CPPED1: variants seen among roughly 807,000 people sequenced by gnomAD.
CPPED1 encodes the protein calcineurin like phosphoesterase domain containing 1.
CPPED1 carries 28 observed loss-of-function variants against 28.0 expected under a neutral mutation model. The observed-to-expected ratio is 1.00, with a 90% CI of 0.74 to 1.37. CPPED1 has a LOEUF of 1.37. Among genes scored for constraint, CPPED1 ranks in the 40% most tolerant of loss-of-function variants. The pLI is 0.00. For synonymous variants in CPPED1, 198 were observed against 180.2 expected (o/e 1.10, Z -0.79); for missense variants, 504 against 416.5 (o/e 1.21, Z -1.83).
intron 2 of CPPED1, among the ~76,000 whole-genome samples, chr16:12,750,746 G>A (rs1168771309): frequency 6.6e-6 from 1 of 152,178 alleles, no homozygotes; most frequent in Non-Finnish European, 1.5e-5. Context: ...TGAGGTGGGC[G>A]GATCACTTGC....
At chr16:12,716,383 G>C (rs993708313) in intron 2 of CPPED1, among the ~76,000 whole-genome samples, 1 of 152,220 alleles carries the variant, frequency 6.6e-6, no homozygotes, top group Non-Finnish European at 1.5e-5. Context: ...ATCCAGGGAC[G>C]AAGAAGTTCC....
chr16:12,703,857 G>A (rs1039500195), intron 3 of CPPED1, among the ~76,000 whole-genome samples: 12 of 152,178 alleles, frequency 7.9e-5, no homozygotes, highest in African/African-American at 2.7e-4. Flanking sequence ...GAAAGATAAA[G>A]GAGGTGGGTG....
rs2080071053 is a variant in CPPED1 at position 12,709,912 on chromosome 16, GAA to G, written c.290-4865_290-4864del. ...GAAGGAAGGGAAAGACGGGGGGAAGGAAGGGAAGGAAGGGAAGGAAGGGAAGG... is the reference window on the plus strand; with the variant it reads ...GAAGGAAGGGAAAGACGGGGGGAAGGGGGAAGGAAGGGAAGGAAGGGAAGG... On this transcript the variant is annotated intron_variant, in intron 2 of 3. Coordinates refer to ENST00000381774, the MANE Select transcript of CPPED1 (RefSeq NM_018340.3). The surrounding 1 kb of genome is among the most constrained non-coding windows in gnomAD (Gnocchi z 4.4). 4.7e-5 allele frequency among the ~76,000 whole-genome samples: 1 copy of G among 21,276 alleles called. No homozygotes were observed. The highest frequency in any genetic ancestry group is 1.5e-3 in the South Asian group (1 of 660). The allele number at this position is 21,276 out of a possible 152,430, so 14.0% of individuals were successfully genotyped here.
chr16:12,747,709 C>T (rs1158555531), intron 2 of CPPED1, among the ~76,000 whole-genome samples: 1 of 152,122 alleles, frequency 6.6e-6, no homozygotes, highest in Non-Finnish European at 1.5e-5. Flanking sequence ...TGAGCCACCG[C>T]GCCCGGCCTT....
intron 2 of CPPED1, among the ~76,000 whole-genome samples, chr16:12,765,042 G>C (rs985008638): frequency 6.6e-6 from 1 of 152,152 alleles, no homozygotes; most frequent in Non-Finnish European, 1.5e-5. Flanking sequence ...GCTAGCACTG[G>C]GAACACTGTG....
At chr16:12,756,311 G>A (rs1361030256) in intron 2 of CPPED1, among the ~76,000 whole-genome samples, 1 of 152,130 alleles carries the variant, frequency 6.6e-6, no homozygotes, top group Admixed American at 6.5e-5. Flanking sequence ...GCAAAATGCT[G>A]CAAATTATGG....
chr16:12,784,078 T>C lies in CPPED1; in HGVS notation c.71-2675A>G, dbSNP rs1211369082. On this transcript the variant is annotated intron_variant, in intron 1 of 3. Coordinates refer to ENST00000381774, the MANE Select transcript of CPPED1 (RefSeq NM_018340.3). ...GCTTCTAATAAACAGAATATGATGA[T>C]GGCAGTCCCTTCCAAGAGTGGGCTA... Among the ~76,000 whole-genome samples, 9 of 152,360 alleles carry C rather than the reference T, an allele frequency of 5.9e-5. No homozygotes were observed. In the South Asian group the frequency reaches 1.0e-3, roughly 18 times the overall value.
intron 3 of CPPED1, among the ~76,000 whole-genome samples, chr16:12,685,428 T>A (rs1202110317): frequency 6.6e-6 from 1 of 152,102 alleles, no homozygotes. Context: ...CCAGCCTGGG[T>A]GACAGAGCGA....
Position 12,776,551 on chromosome 16 carries a change from C to T in CPPED1, c.289+4634G>A, listed in dbSNP as rs559060503. On this transcript the variant is annotated intron_variant, in intron 2 of 3. Coordinates refer to ENST00000381774, the MANE Select transcript of CPPED1 (RefSeq NM_018340.3). The stretch of plus-strand genomic sequence containing the variant: ...GCTGTTGTCGTGACTGTGAATAAGT[C>T]TCACGAGATCTGATGGTTTTGTAAA... 5.3e-4 allele frequency among the ~76,000 whole-genome samples: 80 copies of T among 152,254 alleles called. No homozygotes were observed. The South Asian group carries it at 9.3e-3, about 18-fold the overall frequency.
chr16:12,765,458 G>A (rs1167856162), intron 2 of CPPED1, among the ~76,000 whole-genome samples: 1 of 152,194 alleles, frequency 6.6e-6, no homozygotes, highest in Non-Finnish European at 1.5e-5. Flanking sequence ...TTAACTGTCT[G>A]ACATAATAGG....
intron 2 of CPPED1, among the ~76,000 whole-genome samples, chr16:12,729,906 G>A (rs1216762822): frequency 1.3e-5 from 2 of 152,138 alleles, no homozygotes; most frequent in African/African-American, 4.8e-5. Flanking sequence ...CTGTTGCCGA[G>A]GCTGGAGTAC....
At position 12,776,249 on chromosome 16, in the gene CPPED1, C is replaced by T. The variant is rs538063903; in HGVS notation, c.289+4936G>A. Among the ~76,000 whole-genome samples the T allele has an allele frequency of 2.6e-5, 4 of 152,272 alleles. No homozygotes were observed. The South Asian group carries it at 8.3e-4, about 32-fold the overall frequency. Reference sequence around the variant, plus strand: ...GCATGAGCCAAGAAACGCAGTTGGCCTCTAGAAGCTGGAACCCCTAGAAGG... The same window carrying T: ...GCATGAGCCAAGAAACGCAGTTGGCTTCTAGAAGCTGGAACCCCTAGAAGG... On this transcript the variant is annotated intron_variant, in intron 2 of 3. Transcript: ENST00000381774.
rs1450945586 is a variant in CPPED1, at chr16:12,664,031, T to C, written c.*855A>G. 2.6e-5 allele frequency: 4 copies of C among 152,202 alleles called. No homozygotes were observed. The highest frequency in any genetic ancestry group is 7.2e-5 in the African/African-American group (3 of 41,434). The allele number at this position is 152,202 out of a possible 1,614,324, so 9.4% of individuals were successfully genotyped here. ...GCTCTGCATACATTCCCACTTTTCC[T>C]GTCAAAGTGGACAAAATGAAGAGTC... is the stretch of plus-strand genomic sequence containing the variant. On this transcript the variant is annotated 3_prime_UTR_variant, in exon 4 of 4. Transcript: ENST00000381774. The surrounding 1 kb of genome is among the most constrained non-coding windows in gnomAD (Gnocchi z 4.2).
chr16:12,665,164 T>C (rs1364953483), intron 3 of CPPED1, 49 bp from the exon 4 acceptor site: 3 of 1,548,218 alleles, frequency 1.9e-6, no homozygotes, highest in African/African-American at 2.8e-5. Flanking sequence ...TTCCATTAGG[T>C]AACCTAGGGT....
intron 3 of CPPED1, among the ~76,000 whole-genome samples, chr16:12,694,212 C>T (rs11859747): frequency 0.015 from 2,294 of 152,150 alleles, 52 homozygotes; most frequent in African/African-American, 0.051. Flanking sequence ...TCACAAAAAA[C>T]AAAAGAACAG....
intron 3 of CPPED1, among the ~76,000 whole-genome samples, chr16:12,687,631 C>T (rs548628252): frequency 2.6e-5 from 4 of 152,186 alleles, no homozygotes; most frequent in East Asian, 1.9e-4. Flanking sequence ...ACTAGCTAGG[C>T]GTGGTGGCGA....
At chr16:12,699,880 T>C (rs945785699) in intron 3 of CPPED1, among the ~76,000 whole-genome samples, 1 of 152,184 alleles carries the variant, frequency 6.6e-6, no homozygotes, top group Non-Finnish European at 1.5e-5. Flanking sequence ...TAATGAATTT[T>C]ACAAAATATC....
chr16:12,702,073 T>G (rs531624796), intron 3 of CPPED1, among the ~76,000 whole-genome samples: 15 of 152,284 alleles, frequency 9.9e-5, no homozygotes, highest in African/African-American at 3.4e-4. Context: ...CATTCTGGTT[T>G]GTAGCTATCA....
At chr16:12,685,900 C>CAATGTGAATG (rs2079930217) in intron 3 of CPPED1, among the ~76,000 whole-genome samples, 1 of 152,164 alleles carries the variant, frequency 6.6e-6, no homozygotes, top group Admixed American at 6.5e-5. Context: ...CTGGGGTTGT[C>CAATGTGAATG]AATGTGAATG....
Sources: allele counts gnomAD v4.1 joint callset (sites outside exome capture counted in the v4.1 genomes callset), GRCh38; gene constraint gnomAD v4.1.1; non-coding constraint Gnocchi (gnomAD v3.1); transcripts MANE v1.5; gene names NCBI Gene and HGNC (gene_info 2026-07-23, HGNC 2026-07-21).